The following ZBTB20 variants were observed in gnomAD, a reference collection of about 807,000 sequenced individuals.
ZBTB20 encodes the protein zinc finger and BTB domain containing 20, also known as zinc finger and BTB domain-containing protein 20.
ZBTB20 carries 9 observed loss-of-function variants against 56.9 expected under a neutral mutation model. That is an observed-to-expected ratio of 0.16 (90% confidence interval 0.10 to 0.28). The LOEUF is 0.28. ZBTB20 is among the 10% of genes least tolerant of loss of function. The probability of loss-of-function intolerance (pLI) is 1.00; values close to 1 mark genes in which losing one functional copy is unlikely to be tolerated. For synonymous variants in ZBTB20, 417 were observed against 420.7 expected (o/e 0.99, Z 0.11); for missense variants, 655 against 1,003.0 (o/e 0.65, Z 4.69).
At chr3:115,144,307 G>T (rs531174292) in intron 1 of ZBTB20, among the ~76,000 whole-genome samples, 3 of 152,068 alleles carry the variant, frequency 2.0e-5, no homozygotes, top group South Asian at 4.1e-4. Context: ...TTTTTTTCTA[G>T]AAAGTCCAAT....
intron 6 of ZBTB20, among the ~76,000 whole-genome samples, chr3:114,504,894 C>A (rs1043115299): frequency 1.3e-5 from 2 of 152,170 alleles, no homozygotes; most frequent in African/African-American, 4.8e-5. Context: ...CCGCTGCTGG[C>A]GTCTGAATAA....
At chr3:114,910,496 G>A (rs189302019) in intron 3 of ZBTB20, among the ~76,000 whole-genome samples, 1 of 151,768 alleles carries the variant, frequency 6.6e-6, no homozygotes, top group East Asian at 1.9e-4. Flanking sequence ...TTATGAGAAA[G>A]AAAAATTATT....
Position 114,581,103 on chromosome 3 carries a change from G to A in ZBTB20, c.-294-80712C>T, listed in dbSNP as rs1350550106. On this transcript the variant is annotated intron_variant, in intron 6 of 11. Transcript: ENST00000675478. ...TACAAGGATAGAAAAACAGTCCATCGGATCAAATAAAGATCATATAAACAG... is the reference window on the plus strand; with the variant it reads ...TACAAGGATAGAAAAACAGTCCATCAGATCAAATAAAGATCATATAAACAG... 4.6e-5 allele frequency among the ~76,000 whole-genome samples: 7 copies of A among 151,862 alleles called. No homozygotes were observed. The South Asian group carries it at 1.2e-3, about 27-fold the overall frequency.
intron 7 of ZBTB20, among the ~76,000 whole-genome samples, chr3:114,416,503 C>A (rs1050378973): frequency 6.6e-6 from 1 of 151,920 alleles, no homozygotes; most frequent in East Asian, 1.9e-4. Context: ...ATTGTATCCC[C>A]CACTTTCTCC....
chr3:114,387,229 G>A (rs9837270), intron 8 of ZBTB20: 87,779 of 151,874 alleles, frequency 0.58, 25,509 homozygotes, highest in East Asian at 0.72. Context: ...GACTAGGCCC[G>A]AAGCATTGTC....
At chr3:114,823,933 A>G (rs1245010473) in intron 4 of ZBTB20, among the ~76,000 whole-genome samples, 2 of 152,032 alleles carry the variant, frequency 1.3e-5, no homozygotes, top group Admixed American at 6.6e-5. Context: ...TTTGAATTAC[A>G]TAAGCACAAA....
chr3:114,713,286 G>A (rs971584781), intron 5 of ZBTB20, among the ~76,000 whole-genome samples: 2 of 152,028 alleles, frequency 1.3e-5, no homozygotes, highest in African/African-American at 4.8e-5. Context: ...CTCAATTGAC[G>A]CATGAGCTCA....
intron 1 of ZBTB20, among the ~76,000 whole-genome samples, chr3:115,078,613 G>GTGTGTGTGTGTGTGTGTGTATATA (rs769630983): frequency 1.5e-5 from 2 of 137,826 alleles, no homozygotes; most frequent in African/African-American, 5.7e-5. Context: ...GTGTGTGTGT[G>GTGTGTGTGTGTGTGTGTGTATATA]TATATATATA....
At chr3:114,938,236 T>G (rs1245463154) in intron 3 of ZBTB20, among the ~76,000 whole-genome samples, 1 of 146,580 alleles carries the variant, frequency 6.8e-6, no homozygotes, top group East Asian at 1.9e-4. Context: ...CTGTTCACTC[T>G]GATGATAATT....
At chr3:114,729,276 A>G (rs2065545813) in intron 5 of ZBTB20, among the ~76,000 whole-genome samples, 1 of 152,204 alleles carries the variant, frequency 6.6e-6, no homozygotes. Context: ...TTTCTAAATA[A>G]GAGGCAATAC....
intron 6 of ZBTB20, among the ~76,000 whole-genome samples, chr3:114,563,331 A>C (rs1383823051): frequency 6.6e-6 from 1 of 152,218 alleles, no homozygotes; most frequent in African/African-American, 2.4e-5. Context: ...CCCATTTTTA[A>C]CTGAAAATGA....
At chr3:115,065,095 G>A (rs79852808) in intron 2 of ZBTB20, among the ~76,000 whole-genome samples, 1,584 of 151,804 alleles carry the variant, frequency 0.01, 16 homozygotes, top group African/African-American at 0.03. Context: ...TTGTTGGATC[G>A]TTTGTTTGAT....
chr3:114,409,064 A>C (rs1559751146), intron 7 of ZBTB20, among the ~76,000 whole-genome samples: 1 of 151,592 alleles, frequency 6.6e-6, no homozygotes, highest in East Asian at 1.9e-4. Context: ...CCAAAAAGGC[A>C]GAAAAGGTTG....
chr3:114,626,935 G>A (rs772938682), intron 6 of ZBTB20, among the ~76,000 whole-genome samples: 31 of 152,122 alleles, frequency 2.0e-4, no homozygotes, highest in Non-Finnish European at 3.5e-4. Context: ...ACACAATTCC[G>A]GATGTGCTCT....
intron 6 of ZBTB20, among the ~76,000 whole-genome samples, chr3:114,654,991 A>G (rs552412018): frequency 8.5e-5 from 13 of 152,188 alleles, no homozygotes; most frequent in Middle Eastern, 3.4e-3. Context: ...TGCATTGTAT[A>G]TATCTTTCTA....
chr3:114,850,377 G>A (rs2074940807), intron 4 of ZBTB20, among the ~76,000 whole-genome samples: 1 of 152,190 alleles, frequency 6.6e-6, no homozygotes, highest in African/African-American at 2.4e-5. Context: ...TAGCGAGATA[G>A]GTGGTGTGTT....
chr3:114,524,016 T>C (rs957143748), intron 6 of ZBTB20, among the ~76,000 whole-genome samples: 2 of 152,128 alleles, frequency 1.3e-5, no homozygotes, highest in Admixed American at 6.5e-5. Context: ...GCGAGTTGCA[T>C]ATGATCAGTA....
chr3:114,997,534 T>C (rs1243877453), intron 2 of ZBTB20, among the ~76,000 whole-genome samples: 1 of 151,504 alleles, frequency 6.6e-6, no homozygotes, highest in Admixed American at 6.6e-5. Context: ...CAGATTGAAA[T>C]GTTAGGAAAG....
At chr3:114,898,815 A>T (rs955105371) in intron 4 of ZBTB20, among the ~76,000 whole-genome samples, 12 of 152,150 alleles carry the variant, frequency 7.9e-5, no homozygotes, top group African/African-American at 2.9e-4. Context: ...TATGTTACTA[A>T]ATACCGACGG....
Sources: gnomAD v4.1 joint callset for allele counts (sites outside exome capture counted in the v4.1 genomes callset) on GRCh38, gnomAD v4.1.1 for gene constraint, MANE v1.5 for transcripts, NCBI Gene and HGNC (gene_info 2026-07-23, HGNC 2026-07-21) for gene names.